Variants in AHI1 observed in about 807,000 individuals in gnomAD.
AHI1 encodes Abelson helper integration site 1, also known as jouberin.
Under a neutral mutation model 149.3 loss-of-function variants are expected in AHI1, and 123 were observed. The observed-to-expected ratio is 0.82, with a 90% CI of 0.71 to 0.96. The LOEUF (loss-of-function observed/expected upper bound fraction) is 0.96. Among genes scored for constraint, AHI1 ranks in the 40% least tolerant of loss-of-function variants. The pLI is 0.00. For missense variants in AHI1, 1,439 were observed against 1,422.7 expected (o/e 1.01, Z -0.18); for synonymous variants, 475 against 459.8 (o/e 1.03, Z -0.42).
intron 5 of AHI1, chr6:135,490,073 G>A (rs1795040532): frequency 1.5e-6 from 1 of 676,258 alleles, no homozygotes; most frequent in Non-Finnish European, 2.7e-6. Flanking sequence ...GATTCCAAGG[G>A]GATCAGGTTG....
At position 135,412,356 on chromosome 6, in the gene AHI1, C is replaced by T. The variant is rs201593793; in HGVS notation, c.2765-812G>A. Among the ~76,000 whole-genome samples, 10 of 152,128 alleles carry T rather than the reference C, an allele frequency of 6.6e-5. No homozygotes were observed. In the East Asian group the frequency reaches 1.9e-3, roughly 29 times the overall value. The stretch of plus-strand genomic sequence containing the variant: ...TTAGCATCCATAGATTTTTGGTATC[C>T]CCAGGGGTTCTGGAACCAGTCCTCT... On this transcript the variant is annotated intron_variant, in intron 20 of 28. Transcript: ENST00000265602.
intron 23 of AHI1, among the ~76,000 whole-genome samples, chr6:135,384,034 T>C (rs1174898448): frequency 6.6e-6 from 1 of 152,238 alleles, no homozygotes; most frequent in Admixed American, 6.5e-5. Flanking sequence ...GTATAAATTA[T>C]GTTCCGATAA....
Position 135,323,119 on chromosome 6 carries a change from G to A in AHI1, c.3328+43C>T, listed in dbSNP as rs1047783658. 2.6e-6 allele frequency: 4 copies of A among 1,557,986 alleles called. No homozygotes were observed. In the African/African-American group the frequency reaches 4.1e-5, roughly 16 times the overall value. ...AAAATGATAAAATCTTGGACTATCA[G>A]TTATACCATACTAGTAAACCAGGAA... On this transcript the variant is annotated intron_variant, in intron 25 of 28. Coordinates refer to ENST00000265602, the MANE Select transcript of AHI1 (RefSeq NM_001134831.2).
chr6:135,497,654 C>A lies in AHI1; in HGVS notation c.-273G>T. 1 of 165,074 alleles carries A rather than the reference C, an allele frequency of 6.1e-6. No individual in the cohort carries two copies. Among genetic ancestry groups the A allele is most frequent in the Non-Finnish European group, 1.3e-5 (1 of 74,490 alleles). 10.2% of individuals were successfully genotyped at this position (165,074 alleles called of 1,614,324 possible). A position where few individuals can be genotyped will look rare whatever the true frequency, so the allele number is the denominator to read the frequency against. ...GAGCAGTGCAAATCAACTCCCCCAG[C>A]CTAGCGGCGCGTGCGCGAAGTGAGG... On this transcript the variant is annotated 5_prime_UTR_variant, in exon 1 of 29. Coordinates refer to ENST00000265602, the MANE Select transcript of AHI1 (RefSeq NM_001134831.2).
intron 20 of AHI1, among the ~76,000 whole-genome samples, chr6:135,420,250 T>TG (rs1782961658): frequency 6.6e-6 from 1 of 152,198 alleles, no homozygotes; most frequent in Non-Finnish European, 1.5e-5. Context: ...TTTAGAAAGG[T>TG]GAATCCTTTC....
At chr6:135,496,701 G>T (rs950351153) in intron 2 of AHI1, among the ~76,000 whole-genome samples, 1 of 152,220 alleles carries the variant, frequency 6.6e-6, no homozygotes, top group East Asian at 1.9e-4. Context: ...AAACTGAGAG[G>T]CTTGATAATT....
chr6:135,412,522 G>A (rs1163703911), intron 20 of AHI1, among the ~76,000 whole-genome samples: 4 of 152,082 alleles, frequency 2.6e-5, no homozygotes, highest in Non-Finnish European at 1.5e-5. Flanking sequence ...GACGAAGATG[G>A]CTCAAAGGGT....
chr6:135,290,653 A>G (rs905356760), intron 27 of AHI1, 128 bp from the exon 28 acceptor site: 11 of 835,232 alleles, frequency 1.3e-5, no homozygotes. Flanking sequence ...GATATGACAG[A>G]GAAAAACATC....
chr6:135,463,811 G>C (rs992813293), intron 7 of AHI1, among the ~76,000 whole-genome samples: 7 of 151,866 alleles, frequency 4.6e-5, no homozygotes, highest in Non-Finnish European at 1.0e-4. Context: ...GAGTGCAGTG[G>C]TACAATCATA....
chr6:135,367,708 T>C (rs1163240216), intron 23 of AHI1, among the ~76,000 whole-genome samples: 1 of 152,178 alleles, frequency 6.6e-6, no homozygotes. Context: ...GAAGTTGTGA[T>C]TGTTTTTTTT....
intron 23 of AHI1, among the ~76,000 whole-genome samples, chr6:135,361,645 T>TCACTCA (rs1554293264): frequency 1.5e-5 from 2 of 133,810 alleles, no homozygotes; most frequent in African/African-American, 2.8e-5. Flanking sequence ...AGGTATGGTT[T>TCACTCA]CACACACACA....
At chr6:135,460,681 A>C (rs761766855) in intron 8 of AHI1, among the ~76,000 whole-genome samples, 19 of 152,210 alleles carry the variant, frequency 1.2e-4, no homozygotes, top group Non-Finnish European at 2.6e-4. Context: ...AAATAGCAAG[A>C]CCTATTAAAA....
chr6:135,351,305 T>C (rs1792080489), intron 24 of AHI1, among the ~76,000 whole-genome samples: 1 of 152,218 alleles, frequency 6.6e-6, no homozygotes. Context: ...GCTTGAAATA[T>C]GTTCTTGTCC....
intron 15 of AHI1, among the ~76,000 whole-genome samples, chr6:135,435,825 G>A (rs1785315224): frequency 6.6e-6 from 1 of 152,126 alleles, no homozygotes; most frequent in African/African-American, 2.4e-5. Flanking sequence ...GCAATAGAGA[G>A]GACGTGACAA....
At chr6:135,466,707 G>C (rs1453800416) in intron 6 of AHI1, among the ~76,000 whole-genome samples, 1 of 152,120 alleles carries the variant, frequency 6.6e-6, no homozygotes, top group Non-Finnish European at 1.5e-5. Context: ...CACTCTAATA[G>C]ATATTCGAGA....
chr6:135,389,267 T>C (rs762261795), intron 23 of AHI1, among the ~76,000 whole-genome samples: 2 of 132,858 alleles, frequency 1.5e-5, no homozygotes, highest in African/African-American at 6.5e-5. Flanking sequence ...GCCGAGATCG[T>C]GCCACTGCAC....
intron 23 of AHI1, among the ~76,000 whole-genome samples, chr6:135,370,313 G>A (rs1774834789): frequency 6.6e-6 from 1 of 152,150 alleles, no homozygotes; most frequent in Admixed American, 6.5e-5. Context: ...CTTCTAGGGG[G>A]ACTTTGGGAT....
At position 135,387,728 on chromosome 6, in the gene AHI1, CA is replaced by C. The variant is rs1383622803; in HGVS notation, c.3109+7047del. On this transcript the variant is annotated intron_variant, in intron 23 of 28. Transcript: ENST00000265602. ...CTTAAAATATCTTCCACTCTTTTGGCAATAAAACAAACTGTATAATTTCAAA... is the reference window on the plus strand; with the variant it reads ...CTTAAAATATCTTCCACTCTTTTGGCATAAAACAAACTGTATAATTTCAAA... 5 of 1,082,410 alleles carry C rather than the reference CA, an allele frequency of 4.6e-6. No individual in the cohort carries two copies. In the East Asian group the frequency reaches 1.9e-4, roughly 41 times the overall value. The allele number at this position is 1,082,410 out of a possible 1,614,324, so 67.1% of individuals were successfully genotyped here.
intron 21 of AHI1, among the ~76,000 whole-genome samples, chr6:135,410,285 G>C (rs1251987010): frequency 2.0e-5 from 3 of 152,162 alleles, no homozygotes; most frequent in Non-Finnish European, 4.4e-5. Flanking sequence ...CAGGAGAATT[G>C]CTTGAGCCCA....
Sources: gnomAD v4.1 joint callset for allele counts (sites outside exome capture counted in the v4.1 genomes callset) on GRCh38, gnomAD v4.1.1 for gene constraint, MANE v1.5 for transcripts, NCBI Gene and HGNC (gene_info 2026-07-23, HGNC 2026-07-21) for gene names.